NT5DC1: variants seen among roughly 807,000 people sequenced by gnomAD.
The protein encoded by NT5DC1 is 5'-nucleotidase domain-containing protein 1.
In NT5DC1, 42 loss-of-function variants were observed where a neutral mutation model predicts 59.4. The ratio of observed to expected loss-of-function variants is 0.71; its 90% CI spans 0.55 to 0.92. The LOEUF is 0.92. Ranked by LOEUF, NT5DC1 falls within the 40% of genes least tolerant of loss-of-function variation. The pLI is 0.00. For synonymous variants in NT5DC1, 172 were observed against 188.1 expected (o/e 0.91, Z 0.70); for missense variants, 501 against 537.1 (o/e 0.93, Z 0.66).
At chr6:116,243,667 G>A (rs1009526016) in intron 11 of NT5DC1, among the ~76,000 whole-genome samples, 3 of 152,012 alleles carry the variant, frequency 2.0e-5, no homozygotes, top group Non-Finnish European at 1.5e-5. Flanking sequence ...ATGCCTAGAA[G>A]CCTTTTTTAT....
intron 6 of NT5DC1, among the ~76,000 whole-genome samples, chr6:116,123,495 G>C (rs1779199678): frequency 6.6e-6 from 1 of 152,242 alleles, no homozygotes; most frequent in South Asian, 2.1e-4. Context: ...GGTTGTGTCA[G>C]AATGTGGCAC....
At position 116,223,041 on chromosome 6, in the gene NT5DC1, T is replaced by C. The variant is rs750669817; in HGVS notation, c.712T>C (p.Phe238Leu). ...LLCEYILGND[F>L]TDLFDIVITN... ...AAATTGTGTTGCTTTTAGGAATGATTTTACAGACCTTTTTGACATTGTGAT... is the reference window on the plus strand; with the variant it reads ...AAATTGTGTTGCTTTTAGGAATGATCTTACAGACCTTTTTGACATTGTGAT... Residue 238 changes from phenylalanine to leucine, a missense_variant, in exon 8 of 12, where the codon TTT becomes CTT. Physicochemically the swap from Phe to Leu is conservative, Grantham distance 22. Transcript: ENST00000319550. The C allele has an allele frequency of 1.9e-6, 3 of 1,578,912 alleles. No individual in the cohort carries two copies. The South Asian group carries it at 3.4e-5, about 18-fold the overall frequency.
intron 6 of NT5DC1, among the ~76,000 whole-genome samples, chr6:116,134,443 G>A (rs891851894): frequency 6.6e-6 from 1 of 152,068 alleles, no homozygotes; most frequent in Non-Finnish European, 1.5e-5. Context: ...AGGACTATGG[G>A]TTATTTATTA....
At position 116,100,999 on chromosome 6, in the gene NT5DC1, C is replaced by A; in HGVS notation, c.69C>A (p.Arg23=). Reference sequence around the variant, plus strand: ...TCGACCTGGACCACACTCTGTGTCGCTACAACCTGCCCGAGAGCGCCCCGG... The same window carrying A: ...TCGACCTGGACCACACTCTGTGTCGATACAACCTGCCCGAGAGCGCCCCGG... ...VGFDLDHTLC[R]YNLPESAPLI... Residue 23 remains arginine (R), a synonymous_variant, in exon 1 of 12, where the codon CGC becomes CGA. Coordinates refer to ENST00000319550, the MANE Select transcript of NT5DC1 (RefSeq NM_152729.3). The A allele has an allele frequency of 6.2e-7, 1 of 1,601,454 alleles. No individual in the cohort carries two copies.
At chr6:116,238,523 C>G (rs968782443) in intron 10 of NT5DC1, among the ~76,000 whole-genome samples, 175 bp downstream of exon 10, 2 of 147,954 alleles carry the variant, frequency 1.4e-5, no homozygotes. Context: ...ATTTTATTGA[C>G]TTCATGTTCC....
At chr6:116,144,376 C>G (rs949171942) in intron 6 of NT5DC1, among the ~76,000 whole-genome samples, 4 of 152,034 alleles carry the variant, frequency 2.6e-5, no homozygotes, top group Non-Finnish European at 4.4e-5. Flanking sequence ...TGGTGCACGC[C>G]TGTAGTCCCA....
At chr6:116,103,753 C>A (rs963730441) in intron 1 of NT5DC1, among the ~76,000 whole-genome samples, 3 of 152,064 alleles carry the variant, frequency 2.0e-5, no homozygotes, top group African/African-American at 4.8e-5. Context: ...TCACATGAGG[C>A]CTCAGGAAAG....
At chr6:116,187,113 T>G (rs2114485056) in intron 6 of NT5DC1, among the ~76,000 whole-genome samples, 1 of 152,182 alleles carries the variant, frequency 6.6e-6, no homozygotes, top group South Asian at 2.1e-4. Context: ...AGAGCCAGAC[T>G]GCAGTGATGC....
At chr6:116,174,386 C>A (rs1431800673) in intron 6 of NT5DC1, among the ~76,000 whole-genome samples, 1 of 152,170 alleles carries the variant, frequency 6.6e-6, no homozygotes, top group Non-Finnish European at 1.5e-5. Context: ...ACTAATAGGT[C>A]TGTTCAGCAG....
intron 6 of NT5DC1, among the ~76,000 whole-genome samples, chr6:116,211,906 A>G (rs965884923): frequency 6.6e-6 from 1 of 151,998 alleles, no homozygotes; most frequent in Non-Finnish European, 1.5e-5. Flanking sequence ...CACACAACAC[A>G]CTGATGAACA....
chr6:116,158,471 A>C (rs1428881018), intron 6 of NT5DC1: 1 of 152,214 alleles, frequency 6.6e-6, no homozygotes, highest in Non-Finnish European at 1.5e-5. Context: ...GAGACACAGA[A>C]GGAAGTATCA....
intron 4 of NT5DC1, among the ~76,000 whole-genome samples, chr6:116,112,107 A>T (rs553184289): frequency 1.4e-4 from 21 of 152,316 alleles, no homozygotes; most frequent in African/African-American, 5.1e-4. Flanking sequence ...TGTTTCGCCC[A>T]CTAGAGAGCG....
chr6:116,227,624 A>C (rs994374026), intron 8 of NT5DC1, among the ~76,000 whole-genome samples: 1 of 152,030 alleles, frequency 6.6e-6, no homozygotes, highest in African/African-American at 2.4e-5. Context: ...GCTCTTTAAC[A>C]CTTATCTTTT....
At chr6:116,243,405 C>T (rs1330180055) in intron 11 of NT5DC1, among the ~76,000 whole-genome samples, 1 of 152,044 alleles carries the variant, frequency 6.6e-6, no homozygotes, top group Non-Finnish European at 1.5e-5. Flanking sequence ...TGAGATATCT[C>T]TAAATGTGAT....
intron 6 of NT5DC1, among the ~76,000 whole-genome samples, chr6:116,203,386 G>A (rs912772054): frequency 6.6e-6 from 1 of 151,840 alleles, no homozygotes; most frequent in Admixed American, 6.6e-5. Context: ...CTCCCTTCTA[G>A]CCAACATCCC....
intron 1 of NT5DC1, among the ~76,000 whole-genome samples, chr6:116,104,278 A>T (rs988132658): frequency 6.6e-6 from 1 of 152,188 alleles, no homozygotes; most frequent in Non-Finnish European, 1.5e-5. Flanking sequence ...CCTGTTACAG[A>T]AAAATCTCCT....
intron 6 of NT5DC1, among the ~76,000 whole-genome samples, chr6:116,159,382 T>C (rs1408680160): frequency 2.0e-5 from 3 of 152,232 alleles, no homozygotes; most frequent in Admixed American, 6.5e-5. Context: ...TCCTAATTAT[T>C]TGAGAATTTA....
chr6:116,126,732 T>G (rs983201923), intron 6 of NT5DC1, among the ~76,000 whole-genome samples: 1 of 152,190 alleles, frequency 6.6e-6, no homozygotes, highest in Non-Finnish European at 1.5e-5. Context: ...GGGTTTACTT[T>G]AGAGTTGCAG....
chr6:116,237,647 C>G (rs1486587558), intron 9 of NT5DC1: 2 of 377,862 alleles, frequency 5.3e-6, no homozygotes, highest in African/African-American at 4.2e-5. Context: ...GAGGTATGGA[C>G]TCAATCAATG....
Sources: gnomAD v4.1 joint callset for allele counts (sites outside exome capture counted in the v4.1 genomes callset) on GRCh38, gnomAD v4.1.1 for gene constraint, MANE v1.5 for transcripts, NCBI Gene and HGNC (gene_info 2026-07-23, HGNC 2026-07-21) for gene names.